Variants in C1QTNF9 observed in about 807,000 individuals in gnomAD.
C1QTNF9 encodes C1q and TNF related 9.
In C1QTNF9, 6 loss-of-function variants were observed where a neutral mutation model predicts 10.1. The ratio of observed to expected loss-of-function variants is 0.59; its 90% CI spans 0.32 to 1.17. C1QTNF9 has a LOEUF of 1.17. Among genes scored for constraint, C1QTNF9 ranks in the 50% most tolerant of loss-of-function variants. The probability of loss-of-function intolerance (pLI) is 0.04; values close to 1 mark genes in which losing one functional copy is unlikely to be tolerated. For synonymous variants in C1QTNF9, 98 were observed against 163.5 expected (o/e 0.60, Z 3.06); for missense variants, 201 against 418.8 (o/e 0.48, Z 4.54).
chr13:24,318,724 A>G, intron 2 of C1QTNF9, 94 bp from the exon 3 acceptor site: 1 of 1,575,138 alleles, frequency 6.3e-7, no homozygotes. Flanking sequence ...GGTCACCCCC[A>G]GACTCTCCAA....
chr13:24,308,646 CCCTGCTCTGTGCGTGGGCT>C (rs1450677059), upstream of C1QTNF9, among the ~76,000 whole-genome samples: 10 of 151,160 alleles, frequency 6.6e-5, no homozygotes, highest in East Asian at 5.9e-4. Flanking sequence ...CGGCCTCTGC[CCCTGCTCTGTGCGTGGGCT>C]CCTGCTCTGT....
At chr13:24,314,958 A>C (rs1486164766) in intron 1 of C1QTNF9, among the ~76,000 whole-genome samples, 1 of 151,808 alleles carries the variant, frequency 6.6e-6, no homozygotes, top group Non-Finnish European at 1.5e-5. Context: ...ACCCTGACTC[A>C]AAGAACACCT....
intron 1 of C1QTNF9, among the ~76,000 whole-genome samples, chr13:24,313,756 A>T (rs1398681411): frequency 6.6e-6 from 1 of 152,238 alleles, no homozygotes; most frequent in East Asian, 1.9e-4. Context: ...AGCATTTTTT[A>T]TAAATGAAAA....
intron 3 of C1QTNF9, among the ~76,000 whole-genome samples, chr13:24,319,356 T>C (rs1878160223): frequency 6.6e-6 from 1 of 152,012 alleles, no homozygotes; most frequent in Non-Finnish European, 1.5e-5. Flanking sequence ...CTGGGCAACA[T>C]AGTAAGACTT....
At chr13:24,312,568 AT>A (rs1193310055) in intron 1 of C1QTNF9, among the ~76,000 whole-genome samples, 1 of 152,156 alleles carries the variant, frequency 6.6e-6, no homozygotes, top group Non-Finnish European at 1.5e-5. Flanking sequence ...CATTAATATA[AT>A]TTCTTCTATA....
At chr13:24,308,358 AG>A (rs1877680013), upstream of C1QTNF9, among the ~76,000 whole-genome samples, 3 of 152,172 alleles carry the variant, frequency 2.0e-5, no homozygotes, top group South Asian at 6.2e-4. Flanking sequence ...CGCGAGCAAG[AG>A]GGAGCCCGGC....
chr13:24,309,913 T>C (rs1877746259), intron 1 of C1QTNF9, among the ~76,000 whole-genome samples: 1 of 152,172 alleles, frequency 6.6e-6, no homozygotes, highest in Admixed American at 6.6e-5. Context: ...TTTCTTTTTT[T>C]CAGATGTAGT....
chr13:24,320,453 C>T (rs377718755), intron 3 of C1QTNF9, among the ~76,000 whole-genome samples: 5 of 152,150 alleles, frequency 3.3e-5, no homozygotes, highest in Non-Finnish European at 4.4e-5. Flanking sequence ...GGTTTGATCA[C>T]GGATCACTGC....
At chr13:24,317,510 T>C (rs1878087292) in intron 2 of C1QTNF9, among the ~76,000 whole-genome samples, 1 of 152,100 alleles carries the variant, frequency 6.6e-6, no homozygotes, top group African/African-American at 2.4e-5. Flanking sequence ...GTATCTATTT[T>C]TCTACGTAGT....
At chr13:24,309,816 A>C (rs1203249041) in intron 1 of C1QTNF9, among the ~76,000 whole-genome samples, 200 bp downstream of exon 1, 1 of 152,190 alleles carries the variant, frequency 6.6e-6, no homozygotes, top group Non-Finnish European at 1.5e-5. Context: ...ATAAAAGCAG[A>C]TTTTGAAATT....
chr13:24,316,226 C>G, intron 2 of C1QTNF9, 57 bp downstream of exon 2: 2 of 1,509,678 alleles, frequency 1.3e-6, no homozygotes, highest in Admixed American at 3.5e-5. Flanking sequence ...CCTTTCATCT[C>G]ATTCACTCAT....
chr13:24,322,305 G>T (rs1390007981), exon 4 of C1QTNF9: 1 of 152,632 alleles, frequency 6.6e-6, no homozygotes, highest in African/African-American at 2.4e-5. Context: ...CATGTGCTGT[G>T]GTGGTTTGCT....
chr13:24,319,397 G>A (rs1449275877), intron 3 of C1QTNF9, among the ~76,000 whole-genome samples: 11 of 152,058 alleles, frequency 7.2e-5, no homozygotes, highest in Admixed American at 2.0e-4. Flanking sequence ...AAATTAGCTG[G>A]GCATTGTGGC....
At chr13:24,321,543 C>T in exon 4 of C1QTNF9, 6 of 1,612,078 alleles carry the variant, frequency 3.7e-6, no homozygotes, top group Non-Finnish European at 5.1e-6. Context: ...CTGTTTTCTC[C>T]AGAAATGTTC....
chr13:24,320,682 G>A (rs1878219302), intron 3 of C1QTNF9, among the ~76,000 whole-genome samples: 1 of 152,064 alleles, frequency 6.6e-6, no homozygotes, highest in African/African-American at 2.4e-5. Flanking sequence ...ACTGAGCTGG[G>A]CTGGAGTAAT....
At chr13:24,309,659 C>T (rs1877736714) in intron 1 of C1QTNF9, 43 bp downstream of exon 1, 1 of 152,112 alleles carries the variant, frequency 6.6e-6, no homozygotes, top group African/African-American at 2.4e-5. Flanking sequence ...CAATTTAAGC[C>T]ATCTAGGTCC....
Position 24,317,800 on chromosome 13 carries a change from A to G in C1QTNF9, c.167-1018A>G, listed in dbSNP as rs2153661. ...TGGGAGAAACGAGAGCCAAGCAGGG[A>G]AACAAAAAGAGGGAAGGAGAGGAAG... On this transcript the variant is annotated intron_variant, in intron 2 of 3. Transcript: ENST00000332018. Among the ~76,000 whole-genome samples, 11 of 151,548 alleles carry G rather than the reference A, an allele frequency of 7.3e-5. No individual in the cohort carries two copies. In the South Asian group the frequency reaches 1.0e-3, roughly 14 times the overall value.
intron 1 of C1QTNF9, among the ~76,000 whole-genome samples, chr13:24,313,611 T>A (rs541029997): frequency 2.4e-4 from 37 of 152,230 alleles, no homozygotes; most frequent in Non-Finnish European, 4.8e-4. Flanking sequence ...CTGCATTTCC[T>A]TTCCCAAAAA....
intron 2 of C1QTNF9, among the ~76,000 whole-genome samples, chr13:24,317,286 T>TG (rs56778525): frequency 0.12 from 18,548 of 151,416 alleles, 1,214 homozygotes; most frequent in Middle Eastern, 0.25. Flanking sequence ...TGTGTGTGTA[T>TG]TGTATTTCTG....
Sources: gnomAD v4.1 joint callset for allele counts (sites outside exome capture counted in the v4.1 genomes callset) on GRCh38, gnomAD v4.1.1 for gene constraint, MANE v1.5 for transcripts, NCBI Gene and HGNC (gene_info 2026-07-23, HGNC 2026-07-21) for gene names.